The following ZNF169 variants were observed in gnomAD, a reference collection of about 807,000 sequenced individuals.
ZNF169 encodes the protein zinc finger protein 169.
ZNF169 carries 11 observed loss-of-function variants against 12.0 expected under a neutral mutation model. That is an observed-to-expected ratio of 0.92 (90% confidence interval 0.58 to 1.52). The LOEUF is 1.52. Ranked by LOEUF, ZNF169 falls within the 40% of genes most tolerant of loss-of-function variation. ZNF169 has a pLI of 0.00. For missense variants in ZNF169, 722 were observed against 744.0 expected, an observed-to-expected ratio of 0.97 and a Z score of 0.34; for synonymous variants, 302 against 286.5, an observed-to-expected ratio of 1.05 and a Z score of -0.55.
At chr9:94,264,049 T>C (rs1311062464) in intron 1 of ZNF169, among the ~76,000 whole-genome samples, 1 of 152,198 alleles carries the variant, frequency 6.6e-6, no homozygotes. Flanking sequence ...ACCTACTCCG[T>C]CATTCTTCAG....
Position 94,293,073 on chromosome 9 carries a change from A to G in ZNF169, c.256+4A>G. On this transcript the variant is annotated splice_donor_region_variant and intron_variant, in intron 4 of 4. Coordinates refer to ENST00000395395, the MANE Select transcript of ZNF169 (RefSeq NM_194320.4). ...CATCTTCTGGACCTTTGTCCAGGTG[A>G]GTGGGAAGCCCTGGGCAAGCGAGGG... 6.2e-7 allele frequency: 1 copy of G among 1,611,740 alleles called. No homozygotes were observed. Among genetic ancestry groups the G allele is most frequent in the Non-Finnish European group, 8.5e-7 (1 of 1,178,688 alleles).
intron 1 of ZNF169, among the ~76,000 whole-genome samples, chr9:94,271,602 C>T (rs889337627): frequency 2.0e-5 from 3 of 151,582 alleles, no homozygotes; most frequent in African/African-American, 4.9e-5. Context: ...CACCTGTAGT[C>T]CCAGCTACTT....
chr9:94,296,544 C>A (rs959692772), intron 4 of ZNF169, among the ~76,000 whole-genome samples: 1 of 152,006 alleles, frequency 6.6e-6, no homozygotes, highest in Non-Finnish European at 1.5e-5. Flanking sequence ...GATAAAAGAT[C>A]TGAATTTATG....
chr9:94,280,959 C>G (rs920225503), intron 2 of ZNF169, among the ~76,000 whole-genome samples: 1 of 151,752 alleles, frequency 6.6e-6, no homozygotes, highest in Non-Finnish European at 1.5e-5. Context: ...GGCAAGGGGG[C>G]GAAGAGAACC....
rs1830871188 is a variant in ZNF169 at position 94,292,773 on chromosome 9, G to A, written c.161-201G>A. ...ATATTTTTATTGACTCAAGCACAGG[G>A]TAGAATCAACATACTGCCTTTAGGT... On this transcript the variant is annotated intron_variant, in intron 3 of 4. Transcript: ENST00000395395. 6.5e-6 allele frequency: 4 copies of A among 619,498 alleles called. No individual in the cohort carries two copies. In the South Asian group the frequency reaches 8.1e-5, roughly 13 times the overall value. 38.4% of individuals were successfully genotyped at this position (619,498 alleles called of 1,614,324 possible).
chr9:94,289,438 C>A (rs1830785373), intron 2 of ZNF169, among the ~76,000 whole-genome samples: 1 of 151,858 alleles, frequency 6.6e-6, no homozygotes, highest in Non-Finnish European at 1.5e-5. Context: ...AACGATGACA[C>A]CAGCAAATTA....
At position 94,300,888 on chromosome 9, in the gene ZNF169, A is replaced by G; in HGVS notation, c.1330A>G (p.Thr444Ala). The change falls in exon 5 of 5, where the codon ACC becomes GCC. Residue 444 changes from threonine (T) to alanine (A), a missense_variant. Coordinates refer to ENST00000395395, the MANE Select transcript of ZNF169 (RefSeq NM_194320.4). ...QCGRGFSQKV[T>A]LIGHQRTHTG... The stretch of plus-strand genomic sequence containing the variant: ...TGGGCGGGGTTTTAGCCAGAAGGTC[A>G]CCCTCATTGGACACCAGAGGACACA... The G allele has an allele frequency of 6.3e-7, 1 of 1,595,972 alleles. No homozygotes were observed. Among genetic ancestry groups the G allele is most frequent in the Admixed American group, 1.7e-5 (1 of 58,380 alleles).
At position 94,300,310 on chromosome 9, in the gene ZNF169, A is replaced by T; in HGVS notation, c.752A>T (p.Lys251Met). The change falls in exon 5 of 5, where the codon AAG becomes ATG. Residue 251 changes from lysine (K) to methionine (M), a missense_variant. Lys to Met is a moderately conservative substitution (Grantham distance 95). Transcript: ENST00000395395. ...TTTTGCCAGAGATCAGACCTTATCA[A>T]GCACCAGAGGACACACACCGGGGAG... ...RGFCQRSDLI[K>M]HQRTHTGEKP... The T allele has an allele frequency of 6.2e-7, 1 of 1,614,208 alleles. No individual in the cohort carries two copies.
chr9:94,278,909 G>A, intron 2 of ZNF169, 64 bp downstream of exon 2: 1 of 1,571,320 alleles, frequency 6.4e-7, no homozygotes, highest in Non-Finnish European at 8.7e-7. Flanking sequence ...TTGTCCTGAA[G>A]GCTGCCTTCT....
chr9:94,279,705 A>G (rs949270487), intron 2 of ZNF169, among the ~76,000 whole-genome samples: 2 of 152,062 alleles, frequency 1.3e-5, no homozygotes, highest in Non-Finnish European at 2.9e-5. Flanking sequence ...GATGACTGGC[A>G]GGCTATCCCT....
In ZNF169 at chr9:94,300,046, C is replaced by G; in HGVS notation, c.488C>G (p.Thr163Arg). 6.2e-7 allele frequency: 1 copy of G among 1,614,088 alleles called. No homozygotes were observed. Among genetic ancestry groups the G allele is most frequent in the Non-Finnish European group, 8.5e-7 (1 of 1,180,008 alleles). ...LRKRPSRISRTFFSPHQGDPV... is the reference protein window; with the variant it reads ...LRKRPSRISRRFFSPHQGDPV... ...AAGAGGCCAAGCAGAATTTCTAGGACATTCTTCAGCCCACATCAAGGTGAC... is the reference window on the plus strand; with the variant it reads ...AAGAGGCCAAGCAGAATTTCTAGGAGATTCTTCAGCCCACATCAAGGTGAC... The change falls in exon 5 of 5, where the codon ACA becomes AGA. Residue 163 changes from threonine to arginine, a missense_variant. Coordinates refer to ENST00000395395, the MANE Select transcript of ZNF169 (RefSeq NM_194320.4).
chr9:94,299,440 A>T, intron 4 of ZNF169: 1 of 765,402 alleles, frequency 1.3e-6, no homozygotes, highest in Non-Finnish European at 1.8e-6. Flanking sequence ...TCTGTTTCTT[A>T]ACTGCAGCTC....
intron 1 of ZNF169, among the ~76,000 whole-genome samples, chr9:94,262,487 T>G (rs1165035998): frequency 6.6e-6 from 1 of 151,946 alleles, no homozygotes; most frequent in Non-Finnish European, 1.5e-5. Flanking sequence ...GAGACAGAGT[T>G]TCACTCTGTC....
rs1831054283 is a variant in ZNF169 at position 94,300,825 on chromosome 9, A to G, written c.1267A>G (p.Thr423Ala). 1.2e-6 allele frequency: 2 copies of G among 1,613,794 alleles called. No individual in the cohort carries two copies. Among genetic ancestry groups the G allele is most frequent in the Non-Finnish European group, 1.7e-6 (2 of 1,179,940 alleles). ...GGTCACTCTCATCAGGCACCAGAGG[A>G]CACACACAGGGGAGAAGCCTTACCT... Reference protein sequence around the residue: ...QKVTLIRHQRTHTGEKPYLCP... With the variant: ...QKVTLIRHQRAHTGEKPYLCP... Residue 423 changes from threonine to alanine, a missense_variant, in exon 5 of 5, where the codon ACA (threonine) becomes GCA (alanine). By Grantham distance (58) the Thr-to-Ala change is moderately conservative (BLOSUM62 0). Transcript: ENST00000395395.
chr9:94,288,864 A>G (rs1284985662), intron 2 of ZNF169, among the ~76,000 whole-genome samples: 2 of 152,026 alleles, frequency 1.3e-5, no homozygotes, highest in South Asian at 2.1e-4. Flanking sequence ...GTAGTTCTTT[A>G]TAGCAGGGTC....
At chr9:94,299,611 C>T (rs770973854) in intron 4 of ZNF169, 2 of 1,379,690 alleles carry the variant, frequency 1.4e-6, no homozygotes, top group African/African-American at 2.9e-5. Flanking sequence ...GCTGAAGCTG[C>T]CTGTGATGCT....
rs1429729479 is a variant in ZNF169, at chr9:94,293,077, G to A, written c.256+8G>A. The A allele has an allele frequency of 6.2e-7, 1 of 1,610,522 alleles. No individual in the cohort carries two copies. Among genetic ancestry groups the A allele is most frequent in the Non-Finnish European group, 8.5e-7 (1 of 1,177,924 alleles). ...TTCTGGACCTTTGTCCAGGTGAGTG[G>A]GAAGCCCTGGGCAAGCGAGGGTGCA... is the stretch of plus-strand genomic sequence containing the variant. On this transcript the variant is annotated splice_region_variant and intron_variant, in intron 4 of 4. Transcript: ENST00000395395.
intron 2 of ZNF169, among the ~76,000 whole-genome samples, chr9:94,291,657 A>G (rs1172446645): frequency 6.6e-6 from 1 of 152,254 alleles, no homozygotes. Flanking sequence ...AAACAATTGT[A>G]TCATATGTCA....
intron 4 of ZNF169, among the ~76,000 whole-genome samples, chr9:94,297,099 G>A (rs1253349237): frequency 6.6e-6 from 1 of 150,384 alleles, no homozygotes; most frequent in Non-Finnish European, 1.5e-5. Context: ...TTTTTTGCAA[G>A]TTCTTTTCGT....
Sources: gnomAD v4.1 joint callset for allele counts (sites outside exome capture counted in the v4.1 genomes callset) on GRCh38, gnomAD v4.1.1 for gene constraint, MANE v1.5 for transcripts, NCBI Gene and HGNC (gene_info 2026-07-23, HGNC 2026-07-21) for gene names.